Variants in EVC2 observed in about 807,000 individuals in gnomAD.
EVC2 encodes EvC ciliary complex subunit 2.
Under a neutral mutation model 149.3 loss-of-function variants are expected in EVC2, and 148 were observed. The observed-to-expected ratio is 0.99, with a 90% CI of 0.87 to 1.14. The LOEUF is 1.14. Among genes scored for constraint, EVC2 ranks in the 50% most tolerant of loss-of-function variants. The pLI is 0.00. For synonymous variants in EVC2, 776 were observed against 649.9 expected (o/e 1.19, Z -2.95); for missense variants, 1,854 against 1,627.3 (o/e 1.14, Z -2.40).
At chr4:5,568,374 C>A (rs889575149) in intron 20 of EVC2, 70 bp downstream of exon 20, 58 of 1,444,402 alleles carry the variant, frequency 4.0e-5, no homozygotes, top group Non-Finnish European at 5.3e-5. Context: ...CCTCCCATGA[C>A]CTTGAGGACT....
intron 1 of EVC2, among the ~76,000 whole-genome samples, chr4:5,706,401 G>GATAGATAGATAGATAGATAGATAGATAC (rs1577281530): frequency 2.2e-5 from 1 of 45,548 alleles, no homozygotes; most frequent in Admixed American, 2.1e-4. Context: ...TACATAGATA[G>GATAGATAGATAGATAGATAGATAGATAC]ATAGATAGAT....
chr4:5,555,038 G>A (rs1462646077), intron 21 of EVC2, among the ~76,000 whole-genome samples: 1 of 143,920 alleles, frequency 6.9e-6, no homozygotes, highest in Non-Finnish European at 1.5e-5. Context: ...GTGTGTGTGT[G>A]TGTGTCTCTG....
intron 6 of EVC2, among the ~76,000 whole-genome samples, chr4:5,684,695 CTG>C (rs1368327046): frequency 5.9e-5 from 9 of 152,298 alleles, no homozygotes; most frequent in East Asian, 1.9e-4. Context: ...ATGGGCCAGA[CTG>C]TGTTTCCCAA....
Position 5,694,462 on chromosome 4 carries a change from T to A in EVC2, c.323A>T (p.Glu108Val), listed in dbSNP as rs767187721. 1 of 1,614,172 alleles carries A rather than the reference T, an allele frequency of 6.2e-7. No individual in the cohort carries two copies. The highest frequency in any genetic ancestry group is 1.7e-5 in the Admixed American group (1 of 60,020). Reference protein sequence around the residue: ...PLGMKLDKKMEVFIPLSTSAA... With the variant: ...PLGMKLDKKMVVFIPLSTSAA... ...AGAAGTTGAGAGTGGGATGAAGACT[T>A]CCATTTTCTTGTCCAATTTCATTCC... Residue 108 changes from glutamate (E) to valine (V), a missense_variant, in exon 3 of 22, where the codon GAA becomes GTA. Physicochemically the swap from Glu to Val is moderately radical, Grantham distance 121 (BLOSUM62 -2). Transcript: ENST00000344408.
the EVC2 span, among the ~76,000 whole-genome samples, chr4:5,534,703 G>A: frequency 6.6e-5 from 10 of 151,766 alleles, no homozygotes; most frequent in Non-Finnish European, 1.5e-4. Context: ...ATGCAATTGC[G>A]TTGAGTGATG....
chr4:5,556,332 T>A (rs930470440), intron 21 of EVC2, among the ~76,000 whole-genome samples: 1 of 151,898 alleles, frequency 6.6e-6, no homozygotes, highest in African/African-American at 2.4e-5. Flanking sequence ...ATAACACATT[T>A]CTAAACAACA....
In EVC2 at chr4:5,584,829, C is replaced by T. The variant is rs1383783171; in HGVS notation, c.2851G>A (p.Glu951Lys). The part of the protein sequence containing the change: ...VEKVRGELLR[E>K]RVQRMEAQEG... Reference sequence around the variant, plus strand: ...TGTGCCTCCATCCGCTGCACTCTCTCCCGCAGCAATTCACCTCGAACCTGG... The same window carrying T: ...TGTGCCTCCATCCGCTGCACTCTCTTCCGCAGCAATTCACCTCGAACCTGG... Residue 951 changes from glutamate (E) to lysine (K), a missense_variant, in exon 17 of 22, where the codon GAG (glutamate) becomes AAG (lysine). Transcript: ENST00000344408. The T allele has an allele frequency of 1.9e-6, 3 of 1,614,078 alleles. No individual in the cohort carries two copies. The highest frequency in any genetic ancestry group is 4.5e-5 in the East Asian group (2 of 44,880).
At position 5,618,775 on chromosome 4, in the gene EVC2, A is replaced by C; in HGVS notation, c.2502-93T>G. On this transcript the variant is annotated intron_variant, in intron 14 of 21. Coordinates refer to ENST00000344408, the MANE Select transcript of EVC2 (RefSeq NM_147127.5). The surrounding 1 kb of genome is among the most constrained non-coding windows in gnomAD (Gnocchi z 4.4). ...GCCAGAGATGCAAAGCTCATTCCTCATATCCATGTCTGCAGAAAAAGCACT... is the reference window on the plus strand; with the variant it reads ...GCCAGAGATGCAAAGCTCATTCCTCCTATCCATGTCTGCAGAAAAAGCACT... 2 of 1,218,028 alleles carry C rather than the reference A, an allele frequency of 1.6e-6. No individual in the cohort carries two copies. The highest frequency in any genetic ancestry group is 2.4e-6 in the Non-Finnish European group (2 of 845,476). The allele number at this position is 1,218,028 out of a possible 1,614,324, so 75.5% of individuals were successfully genotyped here.
chr4:5,664,555 G>T (rs141052773), intron 8 of EVC2, among the ~76,000 whole-genome samples: 1 of 152,264 alleles, frequency 6.6e-6, no homozygotes, highest in Non-Finnish European at 1.5e-5. Context: ...TAGATGGGAC[G>T]TTTTTCTTCT....
At chr4:5,594,472 T>A (rs556213089) in intron 16 of EVC2, among the ~76,000 whole-genome samples, 100 of 152,228 alleles carry the variant, frequency 6.6e-4, no homozygotes, top group African/African-American at 2.1e-3. Flanking sequence ...GCGTCTGGAG[T>A]GGACCTCTAG....
At chr4:5,608,999 C>G (rs1714615262) in intron 16 of EVC2, among the ~76,000 whole-genome samples, 1 of 152,116 alleles carries the variant, frequency 6.6e-6, no homozygotes, top group African/African-American at 2.4e-5. Flanking sequence ...CCTTGGACAT[C>G]TAAAGTGCTC....
intron 16 of EVC2, among the ~76,000 whole-genome samples, chr4:5,595,782 TAA>T (rs1037262980): frequency 2.6e-5 from 4 of 152,074 alleles, no homozygotes; most frequent in Non-Finnish European, 4.4e-5. Flanking sequence ...GCAAATTGGA[TAA>T]AGAGTCAAGA....
At position 5,696,747 on chromosome 4, in the gene EVC2, T is replaced by G. The variant is rs1721501613; in HGVS notation, c.283+846A>C. Reference sequence around the variant, plus strand: ...CAGTGCCAGGGCCTGTGCGTTTCAGTTACAGATGCCAATGAATTCCTCTTG... The same window carrying G: ...CAGTGCCAGGGCCTGTGCGTTTCAGGTACAGATGCCAATGAATTCCTCTTG... On this transcript the variant is annotated intron_variant, in intron 2 of 21. Coordinates refer to ENST00000344408, the MANE Select transcript of EVC2 (RefSeq NM_147127.5). This position sits in a 1 kb window ranked among gnomAD's most constrained non-coding sequence, Gnocchi z 4.1. Among the ~76,000 whole-genome samples, 2 of 152,212 alleles carry G rather than the reference T, an allele frequency of 1.3e-5. No homozygotes were observed. The highest frequency in any genetic ancestry group is 1.3e-4 in the Admixed American group (2 of 15,278).
intron 9 of EVC2, among the ~76,000 whole-genome samples, chr4:5,651,294 G>C (rs1227293941): frequency 2.6e-5 from 4 of 152,176 alleles, no homozygotes; most frequent in Admixed American, 6.5e-5. Context: ...ATGATAGGTG[G>C]ACAGATGGGT....
intron 6 of EVC2, among the ~76,000 whole-genome samples, chr4:5,683,090 G>A (rs1219254188): frequency 2.6e-5 from 4 of 152,206 alleles, no homozygotes; most frequent in African/African-American, 9.6e-5. Flanking sequence ...GCAACCTCAT[G>A]GAGGCTTCAG....
At chr4:5,598,987 C>G (rs562154879) in intron 16 of EVC2, among the ~76,000 whole-genome samples, 74 of 152,214 alleles carry the variant, frequency 4.9e-4, no homozygotes, top group African/African-American at 1.7e-3. Flanking sequence ...CCATCACTGG[C>G]CATCAGAGAA....
intron 17 of EVC2, among the ~76,000 whole-genome samples, chr4:5,581,444 G>A (rs576123502): frequency 5.1e-4 from 78 of 152,366 alleles, no homozygotes; most frequent in African/African-American, 1.6e-3. Flanking sequence ...GGGAACTGCA[G>A]TAAAGGTCAC....
intron 10 of EVC2, 142 bp from the exon 11 acceptor site, chr4:5,632,174 A>G: frequency 8.7e-7 from 1 of 1,144,274 alleles, no homozygotes; most frequent in Middle Eastern, 2.9e-4. Flanking sequence ...GCATTACAAT[A>G]TATACACACA....
At chr4:5,602,538 G>A (rs1414368872) in intron 16 of EVC2, among the ~76,000 whole-genome samples, 4 of 151,846 alleles carry the variant, frequency 2.6e-5, no homozygotes, top group Non-Finnish European at 4.4e-5. Flanking sequence ...GAGCTGATAA[G>A]TGGTCCAGGT....
Sources: gnomAD v4.1 joint callset for allele counts (sites outside exome capture counted in the v4.1 genomes callset) on GRCh38, gnomAD v4.1.1 for gene constraint, Gnocchi (gnomAD v3.1) non-coding constraint, MANE v1.5 for transcripts, NCBI Gene and HGNC (gene_info 2026-07-23, HGNC 2026-07-21) for gene names.